Variants in STRN3 observed in about 807,000 individuals in gnomAD.
STRN3 encodes the protein striatin-3.
STRN3 carries 29 observed loss-of-function variants against 95.6 expected under a neutral mutation model. The observed-to-expected ratio is 0.30, with a 90% CI of 0.23 to 0.41. The LOEUF is 0.41. Among genes scored for constraint, STRN3 ranks in the 10% least tolerant of loss-of-function variants. STRN3 has a pLI of 1.00. For missense variants in STRN3, 890 were observed against 972.1 expected, an observed-to-expected ratio of 0.92 and a Z score of 1.12; for synonymous variants, 331 against 357.6, an observed-to-expected ratio of 0.93 and a Z score of 0.84.
intron 1 of STRN3, among the ~76,000 whole-genome samples, chr14:31,012,053 G>A (rs1566491918): frequency 6.6e-6 from 1 of 152,252 alleles, no homozygotes; most frequent in Non-Finnish European, 1.5e-5. Flanking sequence ...CTGCGCTCCA[G>A]CATGGGCGAC....
At chr14:30,937,642 C>G (rs1208723296) in intron 5 of STRN3, among the ~76,000 whole-genome samples, 1 of 152,168 alleles carries the variant, frequency 6.6e-6, no homozygotes, top group East Asian at 1.9e-4. Flanking sequence ...CAAAGACTTT[C>G]ACCATGAAAA....
intron 15 of STRN3, 97 bp from the exon 16 acceptor site, chr14:30,902,740 A>C (rs1424782399): frequency 1.2e-6 from 1 of 803,964 alleles, no homozygotes; most frequent in East Asian, 2.8e-5. Context: ...AAAATCATTA[A>C]AAACTAAACC....
intron 1 of STRN3, among the ~76,000 whole-genome samples, chr14:30,970,097 A>G (rs2139191999): frequency 6.6e-6 from 1 of 152,208 alleles, no homozygotes; most frequent in East Asian, 1.9e-4. Context: ...TTCTCACTCT[A>G]TTGCTAAGCA....
intron 13 of STRN3, 41 bp from the exon 14 acceptor site, chr14:30,907,085 G>A (rs760437576): frequency 6.3e-7 from 1 of 1,586,934 alleles, no homozygotes; most frequent in Non-Finnish European, 8.5e-7. Context: ...GGTAAAAGAA[G>A]TTTAAAAGAA....
chr14:30,995,223 CA>C (rs1176567305), intron 1 of STRN3, among the ~76,000 whole-genome samples: 1 of 152,026 alleles, frequency 6.6e-6, no homozygotes, highest in Non-Finnish European at 1.5e-5. Flanking sequence ...TCCAAAATGA[CA>C]TAACTCCAAA....
At chr14:30,949,546 G>A (rs776659165) in intron 4 of STRN3, among the ~76,000 whole-genome samples, 23 of 152,180 alleles carry the variant, frequency 1.5e-4, no homozygotes, top group Non-Finnish European at 2.9e-5. Flanking sequence ...GGGAGGCGGA[G>A]GTTGCAGTGA....
At chr14:30,948,852 C>T (rs1014186394) in intron 4 of STRN3, among the ~76,000 whole-genome samples, 3 of 152,214 alleles carry the variant, frequency 2.0e-5, no homozygotes, top group East Asian at 1.9e-4. Flanking sequence ...AAGCTGTCCT[C>T]ACTTTTCTTC....
At chr14:31,020,482 G>A (rs1474470379) in intron 1 of STRN3, among the ~76,000 whole-genome samples, 1 of 150,846 alleles carries the variant, frequency 6.6e-6, no homozygotes, top group African/African-American at 2.5e-5. Context: ...CTGAGTGACA[G>A]AGCGAAAACT....
In STRN3 at chr14:30,906,103, T is replaced by A. The variant is rs939972817; in HGVS notation, c.1889-545A>T. ...CAATTTCTCTCTTTAACATACTAAATTAAACTAGCCAGATCAATGCACAAT... is the reference window on the plus strand; with the variant it reads ...CAATTTCTCTCTTTAACATACTAAAATAAACTAGCCAGATCAATGCACAAT... On this transcript the variant is annotated intron_variant, in intron 14 of 17. Transcript: ENST00000357479. Among the ~76,000 whole-genome samples the A allele has an allele frequency of 3.3e-5, 5 of 152,236 alleles. No homozygotes were observed. The East Asian group carries it at 9.7e-4, about 29-fold the overall frequency.
intron 7 of STRN3, among the ~76,000 whole-genome samples, chr14:30,929,968 A>AAAAAAAAAAAAACAAAAAAAC (rs1878438058): frequency 8.2e-5 from 10 of 121,932 alleles, no homozygotes; most frequent in African/African-American, 2.8e-4. Context: ...AAAAAAAAAA[A>AAAAAAAAAAAAACAAAAAAAC]AAAAAAAAAA....
At chr14:30,911,937 A>C (rs1221992698) in intron 11 of STRN3, 70 bp downstream of exon 11, 1 of 1,568,250 alleles carries the variant, frequency 6.4e-7, no homozygotes. Context: ...ACATGCAACA[A>C]TAATGAGGAA....
At chr14:30,998,733 T>C (rs1264722501) in intron 1 of STRN3, among the ~76,000 whole-genome samples, 1 of 147,548 alleles carries the variant, frequency 6.8e-6, no homozygotes, top group Non-Finnish European at 1.5e-5. Context: ...ACAAAAAATA[T>C]AGACTTCACA....
chr14:31,010,771 G>A (rs1882933998), intron 1 of STRN3, among the ~76,000 whole-genome samples: 1 of 152,206 alleles, frequency 6.6e-6, no homozygotes. Context: ...AGATGTGCTG[G>A]CTTATGCCTG....
At chr14:30,978,400 G>C (rs1881220481) in intron 1 of STRN3, among the ~76,000 whole-genome samples, 1 of 151,948 alleles carries the variant, frequency 6.6e-6, no homozygotes, top group African/African-American at 2.4e-5. Context: ...ATACAGAAAA[G>C]AACAAAATCT....
intron 1 of STRN3, among the ~76,000 whole-genome samples, chr14:30,965,428 T>C (rs1302384240): frequency 6.6e-6 from 1 of 152,018 alleles, no homozygotes. Context: ...GGTTTATGTC[T>C]GTAATCCCAG....
At position 31,026,112 on chromosome 14, in the gene STRN3, C is replaced by A; in HGVS notation, c.74G>T (p.Gly25Val). 6.6e-7 allele frequency: 1 copy of A among 1,515,482 alleles called. No individual in the cohort carries two copies. 93.9% of individuals were successfully genotyped at this position (1,515,482 alleles called of 1,614,324 possible). A position where few individuals can be genotyped will look rare whatever the true frequency, so the allele number is the denominator to read the frequency against. The change falls in exon 1 of 18, where the codon GGG becomes GTG. Residue 25 changes from glycine (G) to valine (V), a missense_variant. Transcript: ENST00000357479. The part of the protein sequence containing the change: ...AAPPRQQQGP[G>V]GNLGLSPGGN... ...CCCGGGCGAAAGGCCCAGGTTCCCC[C>A]CAGGTCCCTGCTGCTGCCGGGGAGG...
At chr14:30,950,488 A>G (rs575207901) in intron 4 of STRN3, among the ~76,000 whole-genome samples, 3 of 152,366 alleles carry the variant, frequency 2.0e-5, no homozygotes, top group Non-Finnish European at 4.4e-5. Flanking sequence ...TTGGCAATCC[A>G]CTTCTGAAAA....
chr14:30,929,429 A>G (rs559061861), intron 7 of STRN3, 118 bp from the exon 8 acceptor site: 1 of 751,124 alleles, frequency 1.3e-6, no homozygotes, highest in African/African-American at 1.8e-5. Flanking sequence ...CATATACTCA[A>G]AATACTTTAA....
At chr14:30,990,711 C>CA (rs936870803) in intron 1 of STRN3, among the ~76,000 whole-genome samples, 3 of 152,162 alleles carry the variant, frequency 2.0e-5, no homozygotes, top group African/African-American at 7.2e-5. Context: ...CAGAGATGCT[C>CA]AAGCCCTTTA....
Sources: allele counts gnomAD v4.1 joint callset (sites outside exome capture counted in the v4.1 genomes callset), GRCh38; gene constraint gnomAD v4.1.1; transcripts MANE v1.5; gene names NCBI Gene and HGNC (gene_info 2026-07-23, HGNC 2026-07-21).